GSG1L: variants seen among roughly 807,000 people sequenced by gnomAD.
The protein encoded by GSG1L is GSG1 like.
Under a neutral mutation model 42.1 loss-of-function variants are expected in GSG1L, and 24 were observed. The ratio of observed to expected loss-of-function variants is 0.57; its 90% CI spans 0.41 to 0.80. The LOEUF (loss-of-function observed/expected upper bound fraction) is 0.80, where lower values mean the gene tolerates loss of function less well. Ranked by LOEUF, GSG1L falls within the 30% of genes least tolerant of loss-of-function variation. The pLI is 0.00. For missense variants in GSG1L, 445 were observed against 472.2 expected (o/e 0.94, Z 0.53); for synonymous variants, 215 against 203.5 (o/e 1.06, Z -0.48).
chr16:27,828,888 G>A lies in GSG1L; in HGVS notation c.731C>T (p.Thr244Met), dbSNP rs750620355. ...GCGCTTGTGCCGGAACTCAATGACC[G>A]TCTTGGTGTAGGAGTTGAGCGTGGT... ...SVTTLNSYTK[T>M]VIEFRHKRKV... is the part of the protein sequence containing the mutation. Residue 244 changes from threonine (T) to methionine (M), a missense_variant, in exon 5 of 7, where the codon ACG becomes ATG. Thr to Met is a moderately conservative substitution (Grantham distance 81). This residue lies in a region of GSG1L where 149 missense variants were observed against 223.3 expected (regional missense o/e 0.67). Coordinates refer to ENST00000447459, the MANE Select transcript of GSG1L (RefSeq NM_001109763.2). The A allele has an allele frequency of 1.7e-5, 27 of 1,614,180 alleles. No individual in the cohort carries two copies. Among genetic ancestry groups the A allele is most frequent in the East Asian group, 2.2e-5 (1 of 44,880 alleles).
At chr16:27,929,822 G>T (rs932782126) in intron 2 of GSG1L, among the ~76,000 whole-genome samples, 2 of 152,106 alleles carry the variant, frequency 1.3e-5, no homozygotes, top group African/African-American at 4.8e-5. Context: ...CCAGCATGGC[G>T]TGAGCAAACC....
At chr16:28,044,172 T>A (rs2086138916) in intron 1 of GSG1L, among the ~76,000 whole-genome samples, 1 of 151,722 alleles carries the variant, frequency 6.6e-6, no homozygotes, top group African/African-American at 2.4e-5. Flanking sequence ...AGCTCAGGAG[T>A]TCCAGACCAG....
At chr16:27,809,936 G>A (rs543591840) in intron 5 of GSG1L, among the ~76,000 whole-genome samples, 3 of 152,350 alleles carry the variant, frequency 2.0e-5, no homozygotes, top group African/African-American at 7.2e-5. Context: ...TGAGCTGGAG[G>A]AGAAGATGGG....
rs531285460 is a variant in GSG1L at position 27,950,630 on chromosome 16, G to A, written c.397+12526C>T. Among the ~76,000 whole-genome samples the A allele has an allele frequency of 3.2e-4, 49 of 152,100 alleles. 1 individual carries two copies. The highest frequency in any genetic ancestry group is 1.4e-3 in the Admixed American group (22 of 15,276). On this transcript the variant is annotated intron_variant, in intron 2 of 6. Transcript: ENST00000447459. ...GTAGCAGGGTAGGCTTGAAAACCTC[G>A]GAAGCCTAGAGGCTGAGCCTGACTC...
In GSG1L at chr16:27,910,523, T is replaced by C. The variant is rs143114336; in HGVS notation, c.398-25885A>G. 2.6e-3 allele frequency among the ~76,000 whole-genome samples: 402 copies of C among 152,258 alleles called. 1 individual carries two copies. Among genetic ancestry groups the C allele is most frequent in the African/African-American group, 8.9e-3 (370 of 41,550 alleles). ...TGCTTAAGGTCACACAACTAGAAAA[T>C]GGCAAGACCAAGGTTTGAACCAGGC... is the stretch of plus-strand genomic sequence containing the variant. On this transcript the variant is annotated intron_variant, in intron 2 of 6. Transcript: ENST00000447459.
chr16:27,839,586 C>T (rs534282501), intron 4 of GSG1L, among the ~76,000 whole-genome samples: 7 of 152,236 alleles, frequency 4.6e-5, no homozygotes, highest in Non-Finnish European at 2.9e-5. Flanking sequence ...AGTGTGGAAG[C>T]GTGGGTAAAT....
intron 4 of GSG1L, among the ~76,000 whole-genome samples, 156 bp downstream of exon 4, chr16:27,844,794 T>A (rs2083424205): frequency 6.6e-6 from 1 of 152,130 alleles, no homozygotes; most frequent in Admixed American, 6.5e-5. Flanking sequence ...ATCCCTGCCC[T>A]GGGGTCTTAA....
chr16:27,850,433 T>G (rs776644161), intron 3 of GSG1L: 1 of 445,230 alleles, frequency 2.2e-6, no homozygotes, highest in Non-Finnish European at 4.5e-6. Context: ...GCGTGAATCA[T>G]CTGCATGCGA....
At chr16:27,870,369 A>G (rs1387239931) in intron 3 of GSG1L, among the ~76,000 whole-genome samples, 1 of 97,082 alleles carries the variant, frequency 1.0e-5, no homozygotes, top group East Asian at 3.1e-4. Context: ...TGTCTCGTCC[A>G]TCACTCTCTC....
intron 1 of GSG1L, among the ~76,000 whole-genome samples, chr16:27,985,762 G>GGCAGAATTTGCGGTGAGCCAAGATC (rs2085375121): frequency 6.6e-6 from 1 of 152,078 alleles, no homozygotes; most frequent in Admixed American, 6.5e-5. Context: ...GAACTCAGGA[G>GGCAGAATTTGCGGTGAGCCAAGATC]GCAGAATTTG....
intron 2 of GSG1L, 106 bp downstream of exon 2, chr16:27,963,050 G>A (rs1405790684): frequency 1.1e-6 from 1 of 941,450 alleles, no homozygotes; most frequent in Non-Finnish European, 1.7e-6. Context: ...TGTTGCCCAG[G>A]GATGCTGAAG....
At chr16:27,998,375 T>G (rs543258367) in intron 1 of GSG1L, 47 of 152,378 alleles carry the variant, frequency 3.1e-4, no homozygotes, top group African/African-American at 1.1e-3. Context: ...ATTCCAAGTT[T>G]AGTGTGTGTG....
chr16:27,819,150 T>A (rs2083125620), intron 5 of GSG1L, among the ~76,000 whole-genome samples: 4 of 151,624 alleles, frequency 2.6e-5, no homozygotes, highest in Admixed American at 2.0e-4. Flanking sequence ...CTAGGGAGGC[T>A]GAGGCAGGAA....
At chr16:27,980,303 T>C (rs2141124782) in intron 1 of GSG1L, among the ~76,000 whole-genome samples, 1 of 152,246 alleles carries the variant, frequency 6.6e-6, no homozygotes, top group Middle Eastern at 3.4e-3. Context: ...CATCCTTGGC[T>C]GAATCCCCAG....
chr16:27,949,345 G>C (rs2084925270), intron 2 of GSG1L, among the ~76,000 whole-genome samples: 1 of 152,228 alleles, frequency 6.6e-6, no homozygotes, highest in African/African-American at 2.4e-5. Flanking sequence ...GAATGAATGT[G>C]AACAGAAATA....
chr16:27,857,842 C>T (rs6498040), intron 3 of GSG1L, among the ~76,000 whole-genome samples: 57,594 of 151,296 alleles, frequency 0.38, 11,033 homozygotes, highest in South Asian at 0.43. Context: ...GGAATAGTCA[C>T]TGTATTCATG....
chr16:27,976,353 C>T (rs2085250613), intron 1 of GSG1L, among the ~76,000 whole-genome samples: 1 of 152,174 alleles, frequency 6.6e-6, no homozygotes, highest in African/African-American at 2.4e-5. Flanking sequence ...ATAGAAACTT[C>T]GTGACCATGT....
chr16:27,822,055 C>T (rs1278240616), intron 5 of GSG1L, among the ~76,000 whole-genome samples: 1 of 151,912 alleles, frequency 6.6e-6, no homozygotes, highest in Non-Finnish European at 1.5e-5. Flanking sequence ...TCTTATTTGC[C>T]CTGCACAGAG....
chr16:27,964,279 A>C (rs2085104512), intron 1 of GSG1L, among the ~76,000 whole-genome samples: 1 of 151,432 alleles, frequency 6.6e-6, no homozygotes, highest in African/African-American at 2.4e-5. Context: ...AGCCAAGATC[A>C]CACCACTGCA....
Sources: allele counts gnomAD v4.1 joint callset (sites outside exome capture counted in the v4.1 genomes callset), GRCh38; gene constraint gnomAD v4.1.1; regional missense constraint gnomAD v4.1.1; transcripts MANE v1.5; gene names NCBI Gene and HGNC (gene_info 2026-07-23, HGNC 2026-07-21).